CRB1: variants seen among roughly 807,000 people sequenced by gnomAD.
CRB1 encodes crumbs cell polarity complex component 1.
CRB1 carries 83 observed loss-of-function variants against 120.0 expected under a neutral mutation model. The ratio of observed to expected loss-of-function variants is 0.69; its 90% CI spans 0.58 to 0.83. The LOEUF (loss-of-function observed/expected upper bound fraction) is 0.83, where lower values mean the gene tolerates loss of function less well. Ranked by LOEUF, CRB1 falls within the 40% of genes least tolerant of loss-of-function variation. The pLI is 0.00. For synonymous variants in CRB1, 625 were observed against 612.5 expected (o/e 1.02, Z -0.30); for missense variants, 1,699 against 1,687.6 (o/e 1.01, Z -0.12).
In CRB1 at chr1:197,427,559, C is replaced by G. The variant is rs28939720; in HGVS notation, c.2234C>G (p.Thr745Arg). The G allele has an allele frequency of 1.2e-6, 2 of 1,613,898 alleles. No homozygotes were observed. Among genetic ancestry groups the G allele is most frequent in the South Asian group, 2.2e-5 (2 of 91,056 alleles). The change falls in exon 7 of 12, where the codon ACG becomes AGG. Residue 745 changes from threonine to arginine, a missense_variant. Physicochemically the swap from Thr to Arg is moderately conservative, Grantham distance 71. Coordinates refer to ENST00000367400, the MANE Select transcript of CRB1 (RefSeq NM_201253.3). ...ATCAGCCTCTCCATGTTTGTCCGAA[C>G]GCTTCAACCATCAGGCTTACTTCTA... ...DTISLSMFVRTLQPSGLLLAL... is the reference protein window; with the variant it reads ...DTISLSMFVRRLQPSGLLLAL...
At chr1:197,377,966 G>A (rs375956463) in intron 5 of CRB1, among the ~76,000 whole-genome samples, 37 of 152,274 alleles carry the variant, frequency 2.4e-4, no homozygotes, top group East Asian at 3.9e-4. Context: ...TGAGTCAAGC[G>A]TATGTTCTTA....
At chr1:197,374,079 T>C (rs537749929) in intron 5 of CRB1, among the ~76,000 whole-genome samples, 6 of 152,250 alleles carry the variant, frequency 3.9e-5, no homozygotes, top group African/African-American at 1.4e-4. Context: ...GGAGTCTCCT[T>C]TGGTATGCAG....
chr1:197,345,137 T>C (rs1054637076), intron 3 of CRB1, among the ~76,000 whole-genome samples: 2 of 152,202 alleles, frequency 1.3e-5, no homozygotes, highest in South Asian at 4.1e-4. Flanking sequence ...TTCTAATACT[T>C]ATTTAAGCCA....
intron 1 of CRB1, among the ~76,000 whole-genome samples, chr1:197,272,810 A>G (rs1378193030): frequency 1.3e-5 from 2 of 152,148 alleles, no homozygotes; most frequent in Non-Finnish European, 1.5e-5. Context: ...TTAGAATAGT[A>G]ATTATTCTGC....
chr1:197,339,052 T>A (rs1250014919), intron 2 of CRB1, among the ~76,000 whole-genome samples: 1 of 152,196 alleles, frequency 6.6e-6, no homozygotes, highest in African/African-American at 2.4e-5. Flanking sequence ...TTTAAGTGAA[T>A]GATTCAAAAA....
At chr1:197,320,896 C>T (rs1658151867) in intron 1 of CRB1, among the ~76,000 whole-genome samples, 1 of 152,110 alleles carries the variant, frequency 6.6e-6, no homozygotes, top group African/African-American at 2.4e-5. Context: ...TACAGTAGAG[C>T]CATCCTTATA....
At chr1:197,327,106 A>ACAAC (rs770722440) in intron 1 of CRB1, among the ~76,000 whole-genome samples, 2 of 105,182 alleles carry the variant, frequency 1.9e-5, no homozygotes, top group African/African-American at 6.1e-5. Flanking sequence ...AAAAAAAAAA[A>ACAAC]AAAAAAAAAA....
At chr1:197,350,967 G>T (rs1660058158) in intron 4 of CRB1, among the ~76,000 whole-genome samples, 1 of 152,016 alleles carries the variant, frequency 6.6e-6, no homozygotes, top group Admixed American at 6.6e-5. Context: ...AAGTTGTGTA[G>T]TCCATTACTT....
At chr1:197,241,658 T>A in the CRB1 span, among the ~76,000 whole-genome samples, 1 of 152,090 alleles carries the variant, frequency 6.6e-6, no homozygotes, top group South Asian at 2.1e-4. Flanking sequence ...TTGTTCTTTT[T>A]GCTTAGGATT....
At chr1:197,413,495 C>T (rs1663812540) in intron 5 of CRB1, among the ~76,000 whole-genome samples, 1 of 152,064 alleles carries the variant, frequency 6.6e-6, no homozygotes, top group Non-Finnish European at 1.5e-5. Flanking sequence ...GGAAAACAAA[C>T]AAAAGAAAAC....
At chr1:197,306,369 A>AAGTATG (rs1427377336) in intron 1 of CRB1, among the ~76,000 whole-genome samples, 1 of 152,210 alleles carries the variant, frequency 6.6e-6, no homozygotes, top group Non-Finnish European at 1.5e-5. Flanking sequence ...AAGATATCTG[A>AAGTATG]AGTATCAGGA....
intron 11 of CRB1, among the ~76,000 whole-genome samples, chr1:197,455,073 G>C (rs1414397868): frequency 1.3e-5 from 2 of 152,114 alleles, no homozygotes. Context: ...CCAATTTGGA[G>C]CATTTTCAAA....
At chr1:197,419,828 A>C (rs1211239623) in intron 5 of CRB1, among the ~76,000 whole-genome samples, 1 of 129,552 alleles carries the variant, frequency 7.7e-6, no homozygotes, top group Non-Finnish European at 1.7e-5. Context: ...AAAAAAAATT[A>C]ACCAGGCGTG....
At chr1:197,429,635 C>T (rs1379390467) in intron 8 of CRB1, 21 bp downstream of exon 8, 1 of 1,612,162 alleles carries the variant, frequency 6.2e-7, no homozygotes, top group Non-Finnish European at 8.5e-7. Context: ...TTCAAACCTA[C>T]CATCTCACCA....
At chr1:197,440,107 C>G (rs1455229775) in intron 10 of CRB1, 2 of 152,082 alleles carry the variant, frequency 1.3e-5, no homozygotes, top group Non-Finnish European at 2.9e-5. Context: ...TTCCATGTAT[C>G]TTTCAAAATA....
At chr1:197,342,508 A>T (rs1027081739) in intron 2 of CRB1, among the ~76,000 whole-genome samples, 10 of 152,022 alleles carry the variant, frequency 6.6e-5, no homozygotes, top group African/African-American at 2.4e-4. Flanking sequence ...TTTATTACCT[A>T]ATTTTAGCTA....
chr1:197,301,890 GA>G lies in CRB1; in HGVS notation c.71-26522del, dbSNP rs553690386. On this transcript the variant is annotated intron_variant, in intron 1 of 11. Coordinates refer to ENST00000367400, the MANE Select transcript of CRB1 (RefSeq NM_201253.3). Reference sequence around the variant, plus strand: ...GGATGCAAAGTTGCTTCTTATGGATGAAAAAAAAAAGAATTTTGTGAAATGA... The same window carrying G: ...GGATGCAAAGTTGCTTCTTATGGATGAAAAAAAAAGAATTTTGTGAAATGA... 4.8e-5 allele frequency among the ~76,000 whole-genome samples: 7 copies of G among 146,788 alleles called. No homozygotes were observed. In the East Asian group the frequency reaches 5.9e-4, roughly 12 times the overall value.
At chr1:197,376,725 A>G (rs1661666930) in intron 5 of CRB1, among the ~76,000 whole-genome samples, 1 of 152,154 alleles carries the variant, frequency 6.6e-6, no homozygotes, top group African/African-American at 2.4e-5. Context: ...TGACTTTCTA[A>G]ATCAGTTCTC....
chr1:197,219,523 C>T, the CRB1 span, among the ~76,000 whole-genome samples: 2 of 152,192 alleles, frequency 1.3e-5, no homozygotes, highest in Admixed American at 6.5e-5. Flanking sequence ...ACTTCTTATA[C>T]GACTGCTAAT....
Sources: allele counts gnomAD v4.1 joint callset (sites outside exome capture counted in the v4.1 genomes callset), GRCh38; gene constraint gnomAD v4.1.1; transcripts MANE v1.5; gene names NCBI Gene and HGNC (gene_info 2026-07-23, HGNC 2026-07-21).